The following PRELP variants were observed in gnomAD, a reference collection of about 807,000 sequenced individuals.
PRELP encodes the protein proline and arginine rich end leucine rich repeat protein.
A neutral mutation model predicts 22.8 loss-of-function variants in PRELP; 16 were observed. The observed-to-expected ratio is 0.70, with a 90% confidence interval of 0.47 to 1.06. PRELP has a LOEUF of 1.06. Ranked by LOEUF, PRELP falls within the 50% of genes least tolerant of loss-of-function variation. The pLI is 0.00. For synonymous variants in PRELP, 233 were observed against 211.4 expected (o/e 1.10, Z -0.89); for missense variants, 434 against 485.2 (o/e 0.89, Z 0.99).
intron 2 of PRELP, 63 bp from the exon 3 acceptor site, chr1:203,486,643 C>G: frequency 6.7e-7 from 1 of 1,486,712 alleles, no homozygotes; most frequent in East Asian, 2.3e-5. Flanking sequence ...TTCCCCCTTC[C>G]CCTTCCTCAT....
rs979889296 is a variant in PRELP at position 203,488,154 on chromosome 1, C to T, written c.*1273C>T. 6.6e-6 allele frequency: 1 copy of T among 152,232 alleles called. No individual in the cohort carries two copies. Among genetic ancestry groups the T allele is most frequent in the African/African-American group, 2.4e-5 (1 of 41,464 alleles). The allele number at this position is 152,232 out of a possible 1,614,324, so 9.4% of individuals were successfully genotyped here. On this transcript the variant is annotated 3_prime_UTR_variant, in exon 3 of 3. Coordinates refer to ENST00000343110, the MANE Select transcript of PRELP (RefSeq NM_002725.4). ...TGAGCCCAGGTGAGGACATAGTCGG[C>T]TCCCGTTTGTTGTAGGCCCTTCCCA...
rs1258617612 is a variant in PRELP, at chr1:203,488,797, G to C, written c.*1916G>C. ...ACCTTTCCCCCTAACTTCCTCCAAGGGATGCTGCCCCTTCTCAGCCCCCTG... is the reference window on the plus strand; with the variant it reads ...ACCTTTCCCCCTAACTTCCTCCAAGCGATGCTGCCCCTTCTCAGCCCCCTG... On this transcript the variant is annotated 3_prime_UTR_variant, in exon 3 of 3. Transcript: ENST00000343110. 2 of 152,158 alleles carry C rather than the reference G, an allele frequency of 1.3e-5. No individual in the cohort carries two copies. Among genetic ancestry groups the C allele is most frequent in the Non-Finnish European group, 2.9e-5 (2 of 68,110 alleles). The allele number at this position is 152,158 out of a possible 1,614,324, so 9.4% of individuals were successfully genotyped here. A position where few individuals can be genotyped will look rare whatever the true frequency, so the allele number is the denominator to read the frequency against.
chr1:203,481,154 T>C (rs1435824683), intron 1 of PRELP, among the ~76,000 whole-genome samples: 1 of 152,222 alleles, frequency 6.6e-6, no homozygotes, highest in East Asian at 1.9e-4. Context: ...CCGCCAGTGC[T>C]GGGAGCCTCC....
At chr1:203,482,519 C>A (rs1413540983) in intron 1 of PRELP, among the ~76,000 whole-genome samples, 1 of 151,562 alleles carries the variant, frequency 6.6e-6, no homozygotes, top group South Asian at 2.1e-4. Context: ...CTGAAGTGAT[C>A]CACCCGCCTT....
At position 203,488,833 on chromosome 1, in the gene PRELP, T is replaced by C. The variant is rs2242204; in HGVS notation, c.*1952T>C. ...CTTCTCAGCCCCCTGCGTGTGTATA[T>C]TGGTGGGAGGCATAGAGGATGGATG... On this transcript the variant is annotated 3_prime_UTR_variant, in exon 3 of 3. Coordinates refer to ENST00000343110, the MANE Select transcript of PRELP (RefSeq NM_002725.4). The C allele has an allele frequency of 0.16, 24,892 of 152,026 alleles. 2,197 individuals carry two copies. The highest frequency in any genetic ancestry group is 0.27 in the East Asian group (1,390 of 5,134). The allele number at this position is 152,026 out of a possible 1,614,324, so 9.4% of individuals were successfully genotyped here.
Position 203,489,474 on chromosome 1 carries a change from A to T in PRELP, c.*2593A>T, listed in dbSNP as rs1188393486. The T allele has an allele frequency of 6.6e-6, 1 of 152,248 alleles. No homozygotes were observed. The highest frequency in any genetic ancestry group is 1.9e-4 in the East Asian group (1 of 5,206). The allele number at this position is 152,248 out of a possible 1,614,324, so 9.4% of individuals were successfully genotyped here. Reference sequence around the variant, plus strand: ...CATTCCCTCCATGCTGTCGTCATCGACATATACAGGTGTGTACGTAGGTGT... The same window carrying T: ...CATTCCCTCCATGCTGTCGTCATCGTCATATACAGGTGTGTACGTAGGTGT... On this transcript the variant is annotated 3_prime_UTR_variant, in exon 3 of 3. Transcript: ENST00000343110.
Position 203,483,503 on chromosome 1 carries a change from C to T in PRELP, c.319C>T (p.Leu107Phe). The T allele has an allele frequency of 6.2e-7, 1 of 1,614,222 alleles. No individual in the cohort carries two copies. The highest frequency in any genetic ancestry group is 8.5e-7 in the Non-Finnish European group (1 of 1,180,030). The change falls in exon 2 of 3, where the codon CTC (leucine) becomes TTC (phenylalanine). Residue 107 changes from leucine (L) to phenylalanine (F), a missense_variant. By Grantham distance (22) the Leu-to-Phe change is conservative. Coordinates refer to ENST00000343110, the MANE Select transcript of PRELP (RefSeq NM_002725.4). This position sits in a 1 kb window ranked among gnomAD's most constrained non-coding sequence, Gnocchi z 4.4. ...VPVIPPRIHY[L>F]YLQNNFITEL... ...TGTCATCCCGCCCCGCATCCATTAC[C>T]TCTATCTCCAGAACAACTTCATCAC...
intron 1 of PRELP, among the ~76,000 whole-genome samples, chr1:203,481,003 G>A (rs915502658): frequency 9.6e-5 from 13 of 134,992 alleles, no homozygotes; most frequent in Admixed American, 7.6e-5. Flanking sequence ...CTGGCACTGA[G>A]CCAAGGAAAC....
chr1:203,479,706 CAAAAAAAAAAAAA>C lies in PRELP; in HGVS notation c.-16-3445_-16-3433del, dbSNP rs397844598. ...TCAACAAAGGGAGACCCTGTATCAC[CAAAAAAAAAAAAA>C]AAAAAAAAAAAAAAAAATCAAGGAG... On this transcript the variant is annotated intron_variant, in intron 1 of 2. Transcript: ENST00000343110. 3.6e-3 allele frequency among the ~76,000 whole-genome samples: 190 copies of C among 52,520 alleles called. 1 individual carries two copies. The highest frequency in any genetic ancestry group is 0.016 in the Middle Eastern group (1 of 64). The allele number at this position is 52,520 out of a possible 152,430, so 34.5% of individuals were successfully genotyped here.
At chr1:203,482,888 A>G (rs1233601299) in intron 1 of PRELP, among the ~76,000 whole-genome samples, 2 of 151,840 alleles carry the variant, frequency 1.3e-5, no homozygotes, top group Non-Finnish European at 2.9e-5. Flanking sequence ...GAGCCACCGC[A>G]CCTGGCCACC....
In PRELP at chr1:203,489,006, G is replaced by C. The variant is rs56104147; in HGVS notation, c.*2125G>C. 0.011 allele frequency: 1,631 copies of C among 152,546 alleles called. 18 individuals are homozygous for C. The highest frequency in any genetic ancestry group is 0.048 in the Middle Eastern group (14 of 294). 9.4% of individuals were successfully genotyped at this position (152,546 alleles called of 1,614,324 possible). ...TCACCTTTCTTTTTTGCTAATTATG[G>C]AAAATAGGGCCCATTTCATCATAGC... On this transcript the variant is annotated 3_prime_UTR_variant, in exon 3 of 3. Transcript: ENST00000343110.
At position 203,487,620 on chromosome 1, in the gene PRELP, T is replaced by A. The variant is rs1029826782; in HGVS notation, c.*739T>A. On this transcript the variant is annotated 3_prime_UTR_variant, in exon 3 of 3. Transcript: ENST00000343110. ...CAAGGAGAAGAATGGCCCAAGGAAC[T>A]AGGAAGCAGCCATGGGAGAGGGGAA... The A allele has an allele frequency of 6.5e-6, 1 of 152,732 alleles. No homozygotes were observed. The allele number at this position is 152,732 out of a possible 1,614,324, so 9.5% of individuals were successfully genotyped here. A position where few individuals can be genotyped will look rare whatever the true frequency, so the allele number is the denominator to read the frequency against.
chr1:203,490,098 G>A lies in PRELP; in HGVS notation c.*3217G>A, dbSNP rs1357312118. On this transcript the variant is annotated 3_prime_UTR_variant, in exon 3 of 3. Transcript: ENST00000343110. ...GATTATACTCTTAAGAAATTCCTACGAAAGCTATCCAAAAGCCTTTTCTTT... is the reference window on the plus strand; with the variant it reads ...GATTATACTCTTAAGAAATTCCTACAAAAGCTATCCAAAAGCCTTTTCTTT... The A allele has an allele frequency of 2.7e-5, 4 of 146,420 alleles. No homozygotes were observed. Among genetic ancestry groups the A allele is most frequent in the Non-Finnish European group, 3.0e-5 (2 of 67,264 alleles). The allele number at this position is 146,420 out of a possible 1,614,324, so 9.1% of individuals were successfully genotyped here.
intron 1 of PRELP, among the ~76,000 whole-genome samples, chr1:203,480,328 G>A (rs888783501): frequency 5.9e-5 from 9 of 152,176 alleles, no homozygotes; most frequent in African/African-American, 2.2e-4. Flanking sequence ...ACTTGTGAAA[G>A]CATAAGAAAA....
Position 203,485,144 on chromosome 1 carries a change from G to A in PRELP, c.973+987G>A, listed in dbSNP as rs114186725. Among the ~76,000 whole-genome samples, 1,063 of 150,740 alleles carry A rather than the reference G, an allele frequency of 7.1e-3. 11 individuals carry two copies. The highest frequency in any genetic ancestry group is 0.025 in the African/African-American group (1,003 of 40,878). ...ATTTGGGATAATTTCAAGAAGTAGGGGAGGATTTTTTTTTTAATCTTACAA... is the reference window on the plus strand; with the variant it reads ...ATTTGGGATAATTTCAAGAAGTAGGAGAGGATTTTTTTTTTAATCTTACAA... On this transcript the variant is annotated intron_variant, in intron 2 of 2. Coordinates refer to ENST00000343110, the MANE Select transcript of PRELP (RefSeq NM_002725.4).
chr1:203,476,363 A>C (rs190473250), intron 1 of PRELP, among the ~76,000 whole-genome samples: 40 of 152,296 alleles, frequency 2.6e-4, no homozygotes, highest in African/African-American at 9.6e-4. Context: ...CCACACGACC[A>C]TACAAAATGA....
At position 203,483,318 on chromosome 1, in the gene PRELP, G is replaced by C. The variant is rs1206564731; in HGVS notation, c.134G>C (p.Ser45Thr). The C allele has an allele frequency of 6.2e-7, 1 of 1,613,872 alleles. No homozygotes were observed. The highest frequency in any genetic ancestry group is 8.5e-7 in the Non-Finnish European group (1 of 1,179,990). The change falls in exon 2 of 3, where the codon AGC becomes ACC. Residue 45 changes from serine (S) to threonine (T), a missense_variant. By Grantham distance (58) the Ser-to-Thr change is moderately conservative. Transcript: ENST00000343110. The surrounding 1 kb of genome is among the most constrained non-coding windows in gnomAD (Gnocchi z 4.4). ...AGGCCCAGGCCCAGGCCCACACCCAGCTTTCCTCAGCCTGATGAACCAGCA... is the reference window on the plus strand; with the variant it reads ...AGGCCCAGGCCCAGGCCCACACCCACCTTTCCTCAGCCTGATGAACCAGCA... ...RPRPRPRPTP[S>T]FPQPDEPAEP...
chr1:203,486,113 C>G (rs1014708726), intron 2 of PRELP, among the ~76,000 whole-genome samples: 23 of 152,208 alleles, frequency 1.5e-4, no homozygotes, highest in Admixed American at 1.4e-3. Flanking sequence ...TATCTTTGTA[C>G]AGCATAAACC....
chr1:203,483,351 C>T lies in PRELP; in HGVS notation c.167C>T (p.Thr56Ile), dbSNP rs1382950466. Reference sequence around the variant, plus strand: ...CAGCCTGATGAACCAGCAGAGCCAACAGACCTGCCTCCTCCCCTCCCTCCA... The same window carrying T: ...CAGCCTGATGAACCAGCAGAGCCAATAGACCTGCCTCCTCCCCTCCCTCCA... ...FPQPDEPAEP[T>I]DLPPPLPPGP... The change falls in exon 2 of 3, where the codon ACA becomes ATA. Residue 56 changes from threonine (T) to isoleucine (I), a missense_variant. Thr to Ile is a moderately conservative substitution (Grantham distance 89). Coordinates refer to ENST00000343110, the MANE Select transcript of PRELP (RefSeq NM_002725.4). This position sits in a 1 kb window ranked among gnomAD's most constrained non-coding sequence, Gnocchi z 4.4. The T allele has an allele frequency of 1.2e-6, 2 of 1,614,142 alleles. No individual in the cohort carries two copies. The highest frequency in any genetic ancestry group is 3.3e-5 in the Admixed American group (2 of 60,036).
Sources: allele counts gnomAD v4.1 joint callset (sites outside exome capture counted in the v4.1 genomes callset), GRCh38; gene constraint gnomAD v4.1.1; non-coding constraint Gnocchi (gnomAD v3.1); transcripts MANE v1.5; gene names NCBI Gene and HGNC (gene_info 2026-07-23, HGNC 2026-07-21).